Variants in SEC61A1 observed in about 807,000 individuals in gnomAD.
SEC61A1 encodes protein transport protein Sec61 subunit alpha isoform 1.
A neutral mutation model predicts 55.2 loss-of-function variants in SEC61A1; 15 were observed. That is an observed-to-expected ratio of 0.27 (90% confidence interval 0.18 to 0.42). The LOEUF is 0.42. Ranked by LOEUF, SEC61A1 falls within the 10% of genes least tolerant of loss-of-function variation. The probability of loss-of-function intolerance (pLI) is 1.00; values close to 1 mark genes in which losing one functional copy is unlikely to be tolerated. For synonymous variants in SEC61A1, 247 were observed against 234.0 expected (o/e 1.06, Z -0.51); for missense variants, 284 against 602.6 (o/e 0.47, Z 5.53).
chr3:128,052,263 C>G (rs1400426683), upstream of SEC61A1: 3 of 278,892 alleles, frequency 1.1e-5, no homozygotes, highest in African/African-American at 2.2e-5. Flanking sequence ...GGCCCCTTCC[C>G]GACAGGCCCC....
rs143414303 is a variant in SEC61A1 at position 128,067,447 on chromosome 3, T to C, written c.1002T>C (p.Arg334=). 3 of 1,614,062 alleles carry C rather than the reference T, an allele frequency of 1.9e-6. No homozygotes were observed. The East Asian group carries it at 6.7e-5, about 36-fold the overall frequency. The part of the protein sequence containing the change: ...WSDTSSGGPA[R]AYPVGGLCYY... ...ACACGTCTTCTGGGGGCCCAGCACG[T>C]GCTTATCCAGTTGGTGGCCTTTGCT... Residue 334 remains arginine, a synonymous_variant, in exon 10 of 12, where the codon CGT becomes CGC. Transcript: ENST00000243253. The surrounding 1 kb of genome is among the most constrained non-coding windows in gnomAD (Gnocchi z 4.1).
Position 128,067,370 on chromosome 3 carries a change from C to T in SEC61A1, c.976-51C>T. 2 of 1,561,702 alleles carry T rather than the reference C, an allele frequency of 1.3e-6. No homozygotes were observed. The highest frequency in any genetic ancestry group is 1.9e-5 in the Admixed American group (1 of 53,072). ...GCTCAGAACTATTTTTGCCTTGATG[C>T]TAAAGTAAAATGAAGGAGCACTCAC... is the stretch of plus-strand genomic sequence containing the variant. On this transcript the variant is annotated intron_variant, in intron 9 of 11. Transcript: ENST00000243253. This position sits in a 1 kb window ranked among gnomAD's most constrained non-coding sequence, Gnocchi z 4.1.
rs2107651324 is a variant in SEC61A1, at chr3:128,067,292, T to C, written c.976-129T>C. ...CAAATTCAGCACATTAAATTATCTT[T>C]TCAGTAAAAAAATTGTACTGTGGGC... On this transcript the variant is annotated intron_variant, in intron 9 of 11. Coordinates refer to ENST00000243253, the MANE Select transcript of SEC61A1 (RefSeq NM_013336.4). This position sits in a 1 kb window ranked among gnomAD's most constrained non-coding sequence, Gnocchi z 4.1. 2.3e-6 allele frequency: 3 copies of C among 1,295,504 alleles called. No individual in the cohort carries two copies. Among genetic ancestry groups the C allele is most frequent in the Non-Finnish European group, 3.2e-6 (3 of 927,778 alleles). The allele number at this position is 1,295,504 out of a possible 1,614,324, so 80.3% of individuals were successfully genotyped here. A position where few individuals can be genotyped will look rare whatever the true frequency, so the allele number is the denominator to read the frequency against.
At chr3:128,051,729 G>A, upstream of SEC61A1, 2 of 1,475,062 alleles carry the variant, frequency 1.4e-6, no homozygotes, top group African/African-American at 1.4e-5. Context: ...TCGGCACAAA[G>A]GTACTCTCCC....
At chr3:128,054,758 G>A (rs1056692686) in intron 2 of SEC61A1, among the ~76,000 whole-genome samples, 3 of 152,208 alleles carry the variant, frequency 2.0e-5, no homozygotes, top group African/African-American at 7.2e-5. Flanking sequence ...GTAGGCAGCA[G>A]GTATTAGTGA....
rs770038193 is a variant in SEC61A1, at chr3:128,067,457, G to A, written c.1012G>A (p.Val338Ile). 2 of 1,614,168 alleles carry A rather than the reference G, an allele frequency of 1.2e-6. No individual in the cohort carries two copies. The highest frequency in any genetic ancestry group is 1.1e-5 in the South Asian group (1 of 91,078). ...TGGGGGCCCAGCACGTGCTTATCCA[G>A]TTGGTGGCCTTTGCTATTACCTGTC... ...SSGGPARAYP[V>I]GGLCYYLSPP... Residue 338 changes from valine (V) to isoleucine (I), a missense_variant, in exon 10 of 12, where the codon GTT (valine) becomes ATT (isoleucine). Coordinates refer to ENST00000243253, the MANE Select transcript of SEC61A1 (RefSeq NM_013336.4). The surrounding 1 kb of genome is among the most constrained non-coding windows in gnomAD (Gnocchi z 4.1).
At position 128,060,012 on chromosome 3, in the gene SEC61A1, C is replaced by T. The variant is rs371985916; in HGVS notation, c.353-90C>T. ...ACTGCTCTTCATCTTTGTTCTCCCC[C>T]GTGCCTGGCGTTGAATTGGTGTTTC... is the stretch of plus-strand genomic sequence containing the variant. On this transcript the variant is annotated intron_variant, in intron 5 of 11. Coordinates refer to ENST00000243253, the MANE Select transcript of SEC61A1 (RefSeq NM_013336.4). 32 of 914,754 alleles carry T rather than the reference C, an allele frequency of 3.5e-5. No homozygotes were observed. Among genetic ancestry groups the T allele is most frequent in the South Asian group, 2.5e-4 (17 of 67,200 alleles). The allele number at this position is 914,754 out of a possible 1,614,324, so 56.7% of individuals were successfully genotyped here.
chr3:128,065,697 G>A (rs1941952067), intron 8 of SEC61A1, among the ~76,000 whole-genome samples: 1 of 150,502 alleles, frequency 6.6e-6, no homozygotes, highest in African/African-American at 2.4e-5. Flanking sequence ...ATCTCTTTAG[G>A]GGCTTTGCCA....
chr3:128,056,310 G>C (rs760888091), intron 4 of SEC61A1, among the ~76,000 whole-genome samples: 6 of 152,104 alleles, frequency 3.9e-5, no homozygotes, highest in Non-Finnish European at 8.8e-5. Context: ...GGGAAGTAGA[G>C]GCTTATTCAC....
At chr3:128,069,262 G>A (rs1942081032) in intron 11 of SEC61A1, among the ~76,000 whole-genome samples, 1 of 152,202 alleles carries the variant, frequency 6.6e-6, no homozygotes, top group Non-Finnish European at 1.5e-5. Context: ...GTTTGGTCTA[G>A]TCACAGTCCC....
In SEC61A1 at chr3:128,063,176, C is replaced by G. The variant is rs181857536; in HGVS notation, c.617-1701C>G. ...GTGTCTTCATTTCTTACATCTCACT[C>G]TATTTCACTGTTAGGCACAAGGGAA... On this transcript the variant is annotated intron_variant, in intron 7 of 11. Coordinates refer to ENST00000243253, the MANE Select transcript of SEC61A1 (RefSeq NM_013336.4). Among the ~76,000 whole-genome samples the G allele has an allele frequency of 2.0e-3, 310 of 152,294 alleles. 2 individuals carry two copies. Among genetic ancestry groups the G allele is most frequent in the African/African-American group, 6.7e-3 (280 of 41,568 alleles).
Position 128,064,903 on chromosome 3 carries a change from G to A in SEC61A1, c.643G>A (p.Ala215Thr), listed in dbSNP as rs1264880359. 3 of 1,611,044 alleles carry A rather than the reference G, an allele frequency of 1.9e-6. No homozygotes were observed. The highest frequency in any genetic ancestry group is 1.7e-5 in the Admixed American group (1 of 59,722). Residue 215 changes from alanine (A) to threonine (T), a missense_variant, in exon 8 of 12, where the codon GCA (alanine) becomes ACA (threonine). Ala to Thr is a moderately conservative substitution (Grantham distance 58). Coordinates refer to ENST00000243253, the MANE Select transcript of SEC61A1 (RefSeq NM_013336.4). ...AATGGAATTTGAAGGTGCTATCATC[G>A]CACTTTTCCATCTGCTGGCCACACG... ...RGMEFEGAII[A>T]LFHLLATRTD...
intron 8 of SEC61A1, 56 bp from the exon 9 acceptor site, chr3:128,066,898 G>A: frequency 1.3e-6 from 2 of 1,572,442 alleles, no homozygotes; most frequent in Non-Finnish European, 1.7e-6. Flanking sequence ...CTGTGTTTCT[G>A]TGCAGCAGGC....
intron 8 of SEC61A1, among the ~76,000 whole-genome samples, chr3:128,066,032 G>A (rs977499320): frequency 3.3e-5 from 5 of 151,860 alleles, no homozygotes; most frequent in Non-Finnish European, 7.4e-5. Flanking sequence ...GTGAGCCACC[G>A]CACCCGGCCT....
At chr3:128,062,006 G>A (rs575175183) in intron 7 of SEC61A1, among the ~76,000 whole-genome samples, 4 of 152,362 alleles carry the variant, frequency 2.6e-5, no homozygotes, top group Admixed American at 1.3e-4. Context: ...AGCTAGGTGC[G>A]TGCAGCAGTA....
chr3:128,067,290 T>C lies in SEC61A1; in HGVS notation c.976-131T>C. 7.7e-7 allele frequency: 1 copy of C among 1,293,592 alleles called. No individual in the cohort carries two copies. The highest frequency in any genetic ancestry group is 1.1e-6 in the Non-Finnish European group (1 of 925,924). 80.1% of individuals were successfully genotyped at this position (1,293,592 alleles called of 1,614,324 possible). A position where few individuals can be genotyped will look rare whatever the true frequency, so the allele number is the denominator to read the frequency against. ...TACAAATTCAGCACATTAAATTATC[T>C]TTTCAGTAAAAAAATTGTACTGTGG... On this transcript the variant is annotated intron_variant, in intron 9 of 11. Coordinates refer to ENST00000243253, the MANE Select transcript of SEC61A1 (RefSeq NM_013336.4). The surrounding 1 kb of genome is among the most constrained non-coding windows in gnomAD (Gnocchi z 4.1).
At chr3:128,051,699 TC>T, upstream of SEC61A1, 1 of 1,444,254 alleles carries the variant, frequency 6.9e-7, no homozygotes, top group Non-Finnish European at 9.1e-7. Flanking sequence ...TCATTCCTTC[TC>T]GCCAGAATCT....
chr3:128,063,919 A>C (rs1406687971), intron 7 of SEC61A1, among the ~76,000 whole-genome samples: 1 of 151,876 alleles, frequency 6.6e-6, no homozygotes, highest in African/African-American at 2.4e-5. Flanking sequence ...CTCACTTGTT[A>C]CTCTGTTGTC....
upstream of SEC61A1, chr3:128,051,874 C>T (rs1941677675): frequency 6.5e-7 from 1 of 1,536,022 alleles, no homozygotes. Flanking sequence ...GACAAGCCTC[C>T]GGGTTTGCTT....
Sources: gnomAD v4.1 joint callset for allele counts (sites outside exome capture counted in the v4.1 genomes callset) on GRCh38, gnomAD v4.1.1 for gene constraint, Gnocchi (gnomAD v3.1) non-coding constraint, MANE v1.5 for transcripts, NCBI Gene and HGNC (gene_info 2026-07-23, HGNC 2026-07-21) for gene names.